MED12L: variants seen among roughly 807,000 people sequenced by gnomAD.
MED12L encodes mediator of RNA polymerase II transcription subunit 12-like protein.
Under a neutral mutation model 281.3 loss-of-function variants are expected in MED12L, and 60 were observed. The ratio of observed to expected loss-of-function variants is 0.21; its 90% CI spans 0.17 to 0.26. MED12L has a LOEUF of 0.26. Ranked by LOEUF, MED12L falls within the 10% of genes least tolerant of loss-of-function variation. The probability of loss-of-function intolerance (pLI) is 1.00; values close to 1 mark genes in which losing one functional copy is unlikely to be tolerated. For synonymous variants in MED12L, 974 were observed against 987.2 expected, an observed-to-expected ratio of 0.99 and a Z score of 0.25; for missense variants, 2,146 against 2,680.9, an observed-to-expected ratio of 0.80 and a Z score of 4.41.
At chr3:151,418,963 G>C (rs1221277837) in intron 43 of MED12L, among the ~76,000 whole-genome samples, 1 of 152,044 alleles carries the variant, frequency 6.6e-6, no homozygotes, top group Non-Finnish European at 1.5e-5. Context: ...AAGGGTAATT[G>C]GGGTACCCAA....
intron 25 of MED12L, 25 bp from the exon 26 acceptor site, chr3:151,369,411 T>C (rs750207421): frequency 1.4e-6 from 2 of 1,456,012 alleles, no homozygotes; most frequent in Non-Finnish European, 1.9e-6. Context: ...GTAATGAGAC[T>C]ATTAAAGATT....
At chr3:151,123,103 C>T (rs1714001068) in intron 4 of MED12L, 129 bp downstream of exon 4, 1 of 725,958 alleles carries the variant, frequency 1.4e-6, no homozygotes, top group African/African-American at 1.8e-5. Flanking sequence ...TTTGTGGTCC[C>T]AGGTGGGTGT....
chr3:151,269,691 TTTTTA>T (rs1290570096), intron 16 of MED12L: 13 of 418,240 alleles, frequency 3.1e-5, no homozygotes, highest in African/African-American at 2.5e-4. Context: ...TACAGAAAGA[TTTTTA>T]TTTTGATGAA....
At chr3:151,304,443 G>A (rs1262847355) in intron 16 of MED12L, among the ~76,000 whole-genome samples, 1 of 152,064 alleles carries the variant, frequency 6.6e-6, no homozygotes, top group African/African-American at 2.4e-5. Flanking sequence ...GCATGGCAGC[G>A]TGCACCTGTG....
intron 2 of MED12L, among the ~76,000 whole-genome samples, chr3:151,106,314 C>A (rs1195061183): frequency 2.2e-5 from 1 of 46,066 alleles, no homozygotes; most frequent in Non-Finnish European, 3.7e-5. Flanking sequence ...TCCTTCTCCC[C>A]TCCCCTCCCC....
At chr3:151,278,889 C>T (rs1295941140) in intron 16 of MED12L, among the ~76,000 whole-genome samples, 1 of 152,166 alleles carries the variant, frequency 6.6e-6, no homozygotes. Flanking sequence ...TGTCATTTTT[C>T]CCACATTAAT....
chr3:151,321,842 C>T (rs1749036484), intron 16 of MED12L, among the ~76,000 whole-genome samples: 1 of 152,132 alleles, frequency 6.6e-6, no homozygotes, highest in African/African-American at 2.4e-5. Flanking sequence ...TCTCAACTTC[C>T]ATTCCTACCA....
intron 5 of MED12L, among the ~76,000 whole-genome samples, chr3:151,141,187 G>GTTTTTTTTGTTTTT (rs1716941364): frequency 1.0e-5 from 1 of 99,108 alleles, no homozygotes; most frequent in African/African-American, 4.8e-5. Flanking sequence ...TGTTTTTTTT[G>GTTTTTTTTGTTTTT]TTTTTTTTTT....
intron 2 of MED12L, among the ~76,000 whole-genome samples, chr3:151,112,150 C>CA (rs534172765): frequency 1.3e-5 from 2 of 152,166 alleles, no homozygotes; most frequent in South Asian, 2.1e-4. Context: ...ATCACAGTTT[C>CA]AAAAAATTCA....
chr3:151,413,100 A>G, intron 41 of MED12L, 39 bp from the exon 42 acceptor site: 3 of 1,587,166 alleles, frequency 1.9e-6, no homozygotes, highest in Non-Finnish European at 2.6e-6. Context: ...GTTTGACATT[A>G]TGCTTGGGCC....
intron 2 of MED12L, among the ~76,000 whole-genome samples, chr3:151,099,336 T>G (rs987355843): frequency 1.3e-5 from 2 of 152,216 alleles, no homozygotes; most frequent in Admixed American, 1.3e-4. Flanking sequence ...CTATTAAGCT[T>G]TTATTTATGT....
chr3:151,381,215 A>T (rs532091629), intron 32 of MED12L, among the ~76,000 whole-genome samples: 1 of 152,280 alleles, frequency 6.6e-6, no homozygotes, highest in East Asian at 1.9e-4. Flanking sequence ...CTATGACACC[A>T]TGTCTTTCCC....
In MED12L at chr3:151,434,211, C is replaced by T. The variant is rs1272027224; in HGVS notation, c.*1407C>T. 2 of 152,148 alleles carry T rather than the reference C, an allele frequency of 1.3e-5. No individual in the cohort carries two copies. Among genetic ancestry groups the T allele is most frequent in the Non-Finnish European group, 2.9e-5 (2 of 68,030 alleles). 9.4% of individuals were successfully genotyped at this position (152,148 alleles called of 1,614,324 possible). On this transcript the variant is annotated 3_prime_UTR_variant, in exon 45 of 45. Coordinates refer to ENST00000687756, the MANE Select transcript of MED12L (RefSeq NM_001393769.1). ...ATAGACTTGTCTATAATGAGCAGACCATGTAAATCTACTTTTTTTAAAATG... is the reference window on the plus strand; with the variant it reads ...ATAGACTTGTCTATAATGAGCAGACTATGTAAATCTACTTTTTTTAAAATG...
intron 3 of MED12L, among the ~76,000 whole-genome samples, chr3:151,121,017 C>G (rs1713668571): frequency 6.6e-6 from 1 of 152,118 alleles, no homozygotes; most frequent in Non-Finnish European, 1.5e-5. Context: ...ATTGCTCAGA[C>G]TACTTTTTTC....
intron 16 of MED12L, among the ~76,000 whole-genome samples, chr3:151,271,535 T>C (rs9870740): frequency 0.45 from 68,608 of 151,970 alleles, 15,737 homozygotes; most frequent in Middle Eastern, 0.66. Flanking sequence ...TGTATGTCCA[T>C]AGAAAGACTT....
At chr3:151,213,189 G>A (rs1311021174) in intron 16 of MED12L, 2 of 779,304 alleles carry the variant, frequency 2.6e-6, no homozygotes, top group Non-Finnish European at 4.1e-6. Context: ...AAATTGGATG[G>A]CAGTGCTAGA....
At chr3:151,166,035 T>C (rs1403905405) in intron 11 of MED12L, 53 bp downstream of exon 11, 7 of 1,504,578 alleles carry the variant, frequency 4.7e-6, no homozygotes, top group Non-Finnish European at 6.3e-6. Context: ...AGTGTTTTTT[T>C]CTTCTTTCTC....
At chr3:151,185,547 T>G (rs772154080) in intron 12 of MED12L, 86 bp downstream of exon 12, 30 of 1,410,998 alleles carry the variant, frequency 2.1e-5, no homozygotes, top group Non-Finnish European at 2.9e-5. Context: ...ACCCTCATTA[T>G]GTTATTCTTT....
At chr3:151,092,790 G>C (rs1235871246) in intron 2 of MED12L, among the ~76,000 whole-genome samples, 1 of 152,238 alleles carries the variant, frequency 6.6e-6, no homozygotes, top group Non-Finnish European at 1.5e-5. Context: ...GAGACTAATT[G>C]GCTGGCCCCA....
Sources: gnomAD v4.1 joint callset for allele counts (sites outside exome capture counted in the v4.1 genomes callset) on GRCh38, gnomAD v4.1.1 for gene constraint, MANE v1.5 for transcripts, NCBI Gene and HGNC (gene_info 2026-07-23, HGNC 2026-07-21) for gene names.